GRID1: variants seen among roughly 807,000 people sequenced by gnomAD.
GRID1 encodes glutamate ionotropic receptor delta type subunit 1, also known as glutamate receptor ionotropic, delta-1.
A neutral mutation model predicts 98.0 loss-of-function variants in GRID1; 28 were observed. That is an observed-to-expected ratio of 0.29 (90% CI 0.21 to 0.39). GRID1 has a LOEUF of 0.39. GRID1 is among the 10% of genes least tolerant of loss of function. GRID1 has a pLI of 1.00. For missense variants in GRID1, 1,111 were observed against 1,340.5 expected (o/e 0.83, Z 2.67); for synonymous variants, 553 against 538.5 (o/e 1.03, Z -0.37).
chr10:85,857,545 AGAG>A (rs1481752633), intron 6 of GRID1, among the ~76,000 whole-genome samples: 2 of 152,114 alleles, frequency 1.3e-5, no homozygotes, highest in East Asian at 1.9e-4. Context: ...ACAAAGGAGA[AGAG>A]GAGGAGAAGG....
intron 4 of GRID1, among the ~76,000 whole-genome samples, chr10:86,048,968 G>C (rs1411454236): frequency 6.6e-6 from 1 of 152,198 alleles, no homozygotes; most frequent in Non-Finnish European, 1.5e-5. Context: ...AAACCAGAAA[G>C]AGCCCTTCTA....
chr10:85,885,232 C>T (rs544882406), intron 5 of GRID1, among the ~76,000 whole-genome samples: 114 of 152,304 alleles, frequency 7.5e-4, no homozygotes, highest in South Asian at 5.0e-3. Context: ...CTCACATCCT[C>T]CCAAAAGGTA....
intron 3 of GRID1, among the ~76,000 whole-genome samples, chr10:86,176,970 C>T (rs59589417): frequency 0.045 from 6,843 of 151,984 alleles, 265 homozygotes; most frequent in South Asian, 0.15. Flanking sequence ...AAAAGTAGAC[C>T]AGATCTGGAG....
chr10:86,010,094 G>C (rs1842907643), intron 4 of GRID1, among the ~76,000 whole-genome samples: 1 of 152,178 alleles, frequency 6.6e-6, no homozygotes, highest in Non-Finnish European at 1.5e-5. Flanking sequence ...TCTCTTCTCA[G>C]CTCAAACTCT....
chr10:85,633,414 G>T (rs145630387), intron 13 of GRID1, among the ~76,000 whole-genome samples: 109 of 152,214 alleles, frequency 7.2e-4, no homozygotes, highest in African/African-American at 2.4e-3. Flanking sequence ...TGCCTTTAAC[G>T]GAGCGTTTGA....
At chr10:86,354,551 C>T (rs567906789) in intron 2 of GRID1, among the ~76,000 whole-genome samples, 2 of 152,362 alleles carry the variant, frequency 1.3e-5, no homozygotes, top group Admixed American at 6.5e-5. Flanking sequence ...ACCACCACAA[C>T]CCCAAGGCAG....
At position 86,145,228 on chromosome 10, in the gene GRID1, C is replaced by CAGCATTTT. The variant is rs1845069999; in HGVS notation, c.521-6212_521-6205dup. Among the ~76,000 whole-genome samples, 3 of 152,178 alleles carry CAGCATTTT rather than the reference C, an allele frequency of 2.0e-5. 1 individual carries two copies. The highest frequency in any genetic ancestry group is 2.0e-4 in the Admixed American group (3 of 15,296). ...GGTACCTAAGAGACTGTGGTCCTAA[C>CAGCATTTT]AGCATTTTTTTGAGACAGAGTCTCG... On this transcript the variant is annotated intron_variant, in intron 3 of 15. Coordinates refer to ENST00000327946, the MANE Select transcript of GRID1 (RefSeq NM_017551.3).
At position 85,602,479 on chromosome 10, in the gene GRID1, T is replaced by G; in HGVS notation, c.2824A>C (p.Thr942Pro). The G allele has an allele frequency of 6.2e-7, 1 of 1,614,072 alleles. No individual in the cohort carries two copies. Among genetic ancestry groups the G allele is most frequent in the South Asian group, 1.1e-5 (1 of 91,084 alleles). ...PEQSSHGTSR[T>P]LSSGPSSNLP... The stretch of plus-strand genomic sequence containing the variant: ...TTGCTGCTGGGCCCTGATGAGAGTG[T>G]CCGGCTGGTGCCATGGCTGCTCTGC... The change falls in exon 16 of 16, where the codon ACA (threonine) becomes CCA (proline). Residue 942 changes from threonine (T) to proline (P), a missense_variant. Transcript: ENST00000327946.
chr10:86,343,400 G>A (rs2132111489), intron 2 of GRID1, among the ~76,000 whole-genome samples: 1 of 152,366 alleles, frequency 6.6e-6, no homozygotes, highest in South Asian at 2.1e-4. Context: ...TAAGAAGACA[G>A]TGGGCTTTAC....
At chr10:86,109,997 G>A (rs1210063349) in intron 4 of GRID1, among the ~76,000 whole-genome samples, 2 of 149,278 alleles carry the variant, frequency 1.3e-5, no homozygotes, top group African/African-American at 4.9e-5. Flanking sequence ...TTTTGAGGGG[G>A]AGTCTCACTC....
At chr10:86,357,725 C>T (rs71503850) in intron 2 of GRID1, among the ~76,000 whole-genome samples, 16 of 152,218 alleles carry the variant, frequency 1.1e-4, no homozygotes, top group Non-Finnish European at 1.6e-4. Context: ...AGTTCAGCAC[C>T]CTGACACCGT....
intron 12 of GRID1, among the ~76,000 whole-genome samples, chr10:85,661,305 G>A (rs117205293): frequency 0.033 from 4,979 of 152,082 alleles, 125 homozygotes; most frequent in Middle Eastern, 0.048. Flanking sequence ...AAGATGATCC[G>A]TCAGGCCTTT....
chr10:86,011,930 A>T (rs1842927281), intron 4 of GRID1, among the ~76,000 whole-genome samples: 1 of 152,142 alleles, frequency 6.6e-6, no homozygotes, highest in South Asian at 2.1e-4. Flanking sequence ...GGCCGAAGCG[A>T]GCAGATTGCT....
At chr10:86,170,557 C>A (rs1043745808) in intron 3 of GRID1, among the ~76,000 whole-genome samples, 3 of 152,226 alleles carry the variant, frequency 2.0e-5, no homozygotes, top group Admixed American at 2.0e-4. Flanking sequence ...TTAGGAGGGT[C>A]CCCACTTTGC....
At chr10:85,674,438 T>C (rs974466825) in intron 12 of GRID1, among the ~76,000 whole-genome samples, 1 of 152,196 alleles carries the variant, frequency 6.6e-6, no homozygotes. Flanking sequence ...ACAGTCTTAT[T>C]TGAGAGATTA....
intron 4 of GRID1, among the ~76,000 whole-genome samples, chr10:86,006,560 G>T (rs1314607309): frequency 6.6e-6 from 1 of 152,064 alleles, no homozygotes; most frequent in East Asian, 1.9e-4. Context: ...GGAGGTTGCA[G>T]TGAGCTGAGA....
chr10:86,355,997 G>A (rs1277034376), intron 2 of GRID1, among the ~76,000 whole-genome samples: 1 of 152,252 alleles, frequency 6.6e-6, no homozygotes, highest in African/African-American at 2.4e-5. Context: ...GAGGTCATGG[G>A]TGCTGGTCCT....
chr10:86,031,337 T>C (rs1843182718), intron 4 of GRID1, among the ~76,000 whole-genome samples: 1 of 151,954 alleles, frequency 6.6e-6, no homozygotes, highest in African/African-American at 2.4e-5. Context: ...ATGTTCTCAC[T>C]TGCAAGGGGG....
chr10:86,294,576 A>T (rs1176233256), intron 2 of GRID1, among the ~76,000 whole-genome samples: 2 of 152,142 alleles, frequency 1.3e-5, no homozygotes, highest in African/African-American at 4.8e-5. Flanking sequence ...AAGGCACTGG[A>T]CCTGAGCACT....
Sources: gnomAD v4.1 joint callset for allele counts (sites outside exome capture counted in the v4.1 genomes callset) on GRCh38, gnomAD v4.1.1 for gene constraint, MANE v1.5 for transcripts, NCBI Gene and HGNC (gene_info 2026-07-23, HGNC 2026-07-21) for gene names.